DHX32: variants seen among roughly 807,000 people sequenced by gnomAD.
DHX32 encodes putative pre-mRNA-splicing factor ATP-dependent RNA helicase DHX32.
A neutral mutation model predicts 70.0 loss-of-function variants in DHX32; 51 were observed. The observed-to-expected ratio is 0.73, with a 90% CI of 0.58 to 0.92. The LOEUF (loss-of-function observed/expected upper bound fraction) is 0.92, where lower values mean the gene tolerates loss of function less well. DHX32 is among the 40% of genes least tolerant of loss of function. DHX32 has a pLI of 0.00. For missense variants in DHX32, 762 were observed against 891.8 expected (o/e 0.85, Z 1.85); for synonymous variants, 310 against 315.3 (o/e 0.98, Z 0.18).
intron 1 of DHX32, among the ~76,000 whole-genome samples, chr10:125,874,781 T>G (rs1475276172): frequency 1.3e-5 from 2 of 151,804 alleles, no homozygotes; most frequent in African/African-American, 2.4e-5. Flanking sequence ...GAAAGAGAGA[T>G]AAAAAATATG....
At chr10:125,855,220 C>CAAA (rs752413341) in intron 3 of DHX32, among the ~76,000 whole-genome samples, 1 of 73,648 alleles carries the variant, frequency 1.4e-5, no homozygotes, top group Non-Finnish European at 2.8e-5. Context: ...GACTCCGTCT[C>CAAA]AAAAAAAAAA....
Position 125,881,002 on chromosome 10 carries a change from G to A in DHX32, c.-178C>T, listed in dbSNP as rs1944313886. ...CTCAAACCTGCATCTGTTCTCCGTTGCTGTGTTACCCACTGTGCTGGCTCA... is the reference window on the plus strand; with the variant it reads ...CTCAAACCTGCATCTGTTCTCCGTTACTGTGTTACCCACTGTGCTGGCTCA... On this transcript the variant is annotated 5_prime_UTR_variant, in exon 1 of 11. Coordinates refer to ENST00000284690, the MANE Select transcript of DHX32 (RefSeq NM_018180.3). 1 of 701,646 alleles carries A rather than the reference G, an allele frequency of 1.4e-6. No homozygotes were observed. Among genetic ancestry groups the A allele is most frequent in the East Asian group, 2.7e-5 (1 of 36,768 alleles). 43.5% of individuals were successfully genotyped at this position (701,646 alleles called of 1,614,324 possible). A position where few individuals can be genotyped will look rare whatever the true frequency, so the allele number is the denominator to read the frequency against.
At chr10:125,853,340 T>C (rs1057420338) in intron 4 of DHX32, 2 of 647,478 alleles carry the variant, frequency 3.1e-6, no homozygotes, top group Non-Finnish European at 4.8e-6. Context: ...TTAGTTTCGT[T>C]TGAGATCTCA....
chr10:125,863,939 C>A (rs1439423415), intron 2 of DHX32, among the ~76,000 whole-genome samples: 3 of 152,200 alleles, frequency 2.0e-5, no homozygotes. Context: ...GTCCTCACAA[C>A]AACCCTCAGA....
intron 1 of DHX32, among the ~76,000 whole-genome samples, chr10:125,871,716 G>C (rs1944256595): frequency 6.6e-6 from 1 of 152,114 alleles, no homozygotes; most frequent in Non-Finnish European, 1.5e-5. Flanking sequence ...GTTATCATTT[G>C]GCAAATGTCG....
chr10:125,854,253 C>G (rs1944127130), intron 3 of DHX32, 50 bp from the exon 4 acceptor site: 3 of 1,507,778 alleles, frequency 2.0e-6, no homozygotes, highest in Non-Finnish European at 2.6e-6. Context: ...AACAACATCA[C>G]TATTAAAAAA....
At chr10:125,871,439 A>G (rs949600843) in intron 1 of DHX32, among the ~76,000 whole-genome samples, 3 of 152,248 alleles carry the variant, frequency 2.0e-5, no homozygotes, top group African/African-American at 7.2e-5. Context: ...AGTCACAACA[A>G]ATTATACTGC....
chr10:125,843,851 C>T (rs1854943746), intron 6 of DHX32, among the ~76,000 whole-genome samples: 1 of 152,182 alleles, frequency 6.6e-6, no homozygotes, highest in Non-Finnish European at 1.5e-5. Flanking sequence ...GGGGGCAGTG[C>T]CAAACCACCC....
chr10:125,875,903 A>C (rs1257458072), intron 1 of DHX32, among the ~76,000 whole-genome samples: 3 of 152,236 alleles, frequency 2.0e-5, no homozygotes, highest in Non-Finnish European at 4.4e-5. Flanking sequence ...CCAGGTTAGG[A>C]GGATGAGAGG....
In DHX32 at chr10:125,852,435, C is replaced by G. The variant is rs756050592; in HGVS notation, c.1209G>C (p.Leu403=). ...CTTTGGAGGCAAATTCTTCAGTGTA[C>G]AGGCAGAAAAATTTTCCTAAAAGAC... ...GSSSSGKFFC[L]YTEEFASKDM... Residue 403 remains leucine (L), a synonymous_variant, in exon 6 of 11, where the codon CTG becomes CTC. Coordinates refer to ENST00000284690, the MANE Select transcript of DHX32 (RefSeq NM_018180.3). The G allele has an allele frequency of 1.2e-6, 2 of 1,614,114 alleles. No individual in the cohort carries two copies. The highest frequency in any genetic ancestry group is 2.2e-5 in the East Asian group (1 of 44,884).
rs139767568 is a variant in DHX32, at chr10:125,861,808, C to T, written c.477-1833G>A. On this transcript the variant is annotated intron_variant, in intron 2 of 10. Coordinates refer to ENST00000284690, the MANE Select transcript of DHX32 (RefSeq NM_018180.3). Reference sequence around the variant, plus strand: ...GATGTTGCTTTGTATCTTTTCAATGCAATAAACCTTAGTTATATGTAAATA... The same window carrying T: ...GATGTTGCTTTGTATCTTTTCAATGTAATAAACCTTAGTTATATGTAAATA... Among the ~76,000 whole-genome samples, 82 of 152,070 alleles carry T rather than the reference C, an allele frequency of 5.4e-4. No individual in the cohort carries two copies. The East Asian group carries it at 0.014, about 26-fold the overall frequency.
At chr10:125,889,069 A>C (rs1417642741) in intron 1 of DHX32, among the ~76,000 whole-genome samples, 1 of 152,194 alleles carries the variant, frequency 6.6e-6, no homozygotes, top group African/African-American at 2.4e-5. Flanking sequence ...CAAAAAAATA[A>C]TTAATTCTGT....
intron 1 of DHX32, among the ~76,000 whole-genome samples, chr10:125,872,252 T>C (rs901477116): frequency 6.6e-6 from 1 of 152,234 alleles, no homozygotes; most frequent in Non-Finnish European, 1.5e-5. Flanking sequence ...GTTAGAGGTT[T>C]TGTTTCTACC....
intron 3 of DHX32, among the ~76,000 whole-genome samples, chr10:125,855,094 C>A (rs192079012): frequency 6.6e-6 from 1 of 151,846 alleles, no homozygotes; most frequent in East Asian, 2.0e-4. Flanking sequence ...TGATGGCATG[C>A]GTCTGTAGTC....
At position 125,852,572 on chromosome 10, in the gene DHX32, C is replaced by A. The variant is rs61757586; in HGVS notation, c.1163G>T (p.Arg388Leu). 1 of 1,613,742 alleles carries A rather than the reference C, an allele frequency of 6.2e-7. No individual in the cohort carries two copies. The highest frequency in any genetic ancestry group is 1.1e-5 in the South Asian group (1 of 90,978). Residue 388 changes from arginine to leucine, a missense_variant, in exon 5 of 11, where the codon CGC (arginine) becomes CTC (leucine). Around this residue, in one of 3 missense-constraint regions of DHX32, gnomAD observed 394 missense variants for 473.1 expected, o/e 0.83. Coordinates refer to ENST00000284690, the MANE Select transcript of DHX32 (RefSeq NM_018180.3). Reference protein sequence around the residue: ...QPISQSQAEIRKQILGSSSSG... With the variant: ...QPISQSQAEILKQILGSSSSG... The stretch of plus-strand genomic sequence containing the variant: ...AGAAGATGAGCCAAGAATCTGCTTG[C>A]GTATCTCTGCCTGGCTCTGGCTGAT...
At chr10:125,872,471 G>A (rs1275634290) in intron 1 of DHX32, among the ~76,000 whole-genome samples, 2 of 152,162 alleles carry the variant, frequency 1.3e-5, no homozygotes, top group South Asian at 4.1e-4. Flanking sequence ...ACAATATGGT[G>A]AAGAAACAGA....
rs1455894917 is a variant in DHX32 at position 125,836,981 on chromosome 10, CAGAT to C, written c.2064-130_2064-127del. 3.1e-5 allele frequency: 23 copies of C among 753,284 alleles called. No homozygotes were observed. The Middle Eastern group carries it at 1.3e-3, about 42-fold the overall frequency. The allele number at this position is 753,284 out of a possible 1,614,324, so 46.7% of individuals were successfully genotyped here. Reference sequence around the variant, plus strand: ...GTAGAACCGGTATTTAATTTGAACTCAGATAGTATCTCAGTCCGACTTTGTAAAA... The same window carrying C: ...GTAGAACCGGTATTTAATTTGAACTCAGTATCTCAGTCCGACTTTGTAAAA... On this transcript the variant is annotated intron_variant, in intron 10 of 10. Coordinates refer to ENST00000284690, the MANE Select transcript of DHX32 (RefSeq NM_018180.3).
intron 1 of DHX32, among the ~76,000 whole-genome samples, chr10:125,889,832 C>T (rs1944359448): frequency 6.6e-6 from 1 of 152,294 alleles, no homozygotes; most frequent in East Asian, 1.9e-4. Context: ...TGGATTATTT[C>T]ATTTAAACTC....
At chr10:125,857,570 C>G (rs1944156529) in intron 3 of DHX32, among the ~76,000 whole-genome samples, 1 of 152,182 alleles carries the variant, frequency 6.6e-6, no homozygotes, top group Non-Finnish European at 1.5e-5. Context: ...AGCCTGCCTT[C>G]AGGGGAAATT....
Sources: allele counts gnomAD v4.1 joint callset (sites outside exome capture counted in the v4.1 genomes callset), GRCh38; gene constraint gnomAD v4.1.1; regional missense constraint gnomAD v4.1.1; transcripts MANE v1.5; gene names NCBI Gene and HGNC (gene_info 2026-07-23, HGNC 2026-07-21).